FKTN: variants seen among roughly 807,000 people sequenced by gnomAD.
FKTN encodes the protein ribitol-5-phosphate transferase FKTN.
A neutral mutation model predicts 58.6 loss-of-function variants in FKTN; 47 were observed. The ratio of observed to expected loss-of-function variants is 0.80; its 90% CI spans 0.63 to 1.02. The LOEUF (loss-of-function observed/expected upper bound fraction) is 1.02, where lower values mean the gene tolerates loss of function less well. Ranked by LOEUF, FKTN falls within the 50% of genes least tolerant of loss-of-function variation. The probability of loss-of-function intolerance (pLI) is 0.00; values close to 1 mark genes in which losing one functional copy is unlikely to be tolerated. For missense variants in FKTN, 516 were observed against 537.3 expected, an observed-to-expected ratio of 0.96 and a Z score of 0.39; for synonymous variants, 178 against 191.9, an observed-to-expected ratio of 0.93 and a Z score of 0.60.
chr9:105,602,298 T>C (rs1564286269), intron 5 of FKTN, among the ~76,000 whole-genome samples: 2 of 152,220 alleles, frequency 1.3e-5, no homozygotes, highest in African/African-American at 4.8e-5. Context: ...TCTAATGTTC[T>C]TGGCCTAGGA....
At chr9:105,610,208 C>G (rs1294517299) in intron 7 of FKTN, among the ~76,000 whole-genome samples, 1 of 152,012 alleles carries the variant, frequency 6.6e-6, no homozygotes, top group Non-Finnish European at 1.5e-5. Flanking sequence ...CTGGGATCAG[C>G]CATTTCTTTA....
chr9:105,564,068 A>G (rs1239306232), intron 1 of FKTN, among the ~76,000 whole-genome samples: 1 of 152,242 alleles, frequency 6.6e-6, no homozygotes, highest in East Asian at 1.9e-4. Context: ...GCAAACTCCA[A>G]CAGACCTGCA....
intron 4 of FKTN, 142 bp downstream of exon 4, chr9:105,596,799 C>T (rs1588055060): frequency 1.4e-6 from 1 of 709,430 alleles, no homozygotes; most frequent in Admixed American, 2.0e-5. Context: ...AGGTAAGGGA[C>T]AGGCCCTTTA....
At chr9:105,614,382 C>G (rs1830446751) in intron 7 of FKTN, among the ~76,000 whole-genome samples, 1 of 151,980 alleles carries the variant, frequency 6.6e-6, no homozygotes, top group Non-Finnish European at 1.5e-5. Flanking sequence ...TTATTACATT[C>G]TTTCATTCAT....
At position 105,567,872 on chromosome 9, in the gene FKTN, C is replaced by T. The variant is rs556624636; in HGVS notation, c.-180-5783C>T. ...TAAAAGAACAAAGCTGGAGGCATCA[C>T]GCTACCTGACTTCAAACTATACTAC... On this transcript the variant is annotated intron_variant, in intron 1 of 10. Coordinates refer to ENST00000357998, the MANE Select transcript of FKTN (RefSeq NM_001079802.2). Among the ~76,000 whole-genome samples, 194 of 152,266 alleles carry T rather than the reference C, an allele frequency of 1.3e-3. 1 individual carries two copies. The South Asian group carries it at 0.015, about 12-fold the overall frequency.
rs145464554 is a variant in FKTN, at chr9:105,563,238, G to A, written c.-181+5073G>A. On this transcript the variant is annotated intron_variant, in intron 1 of 10. Transcript: ENST00000357998. ...TCCCAGCGTGAGCGACGCAGAAGAC[G>A]GGTGATTTCTGCATTTCTAACTGAG... is the stretch of plus-strand genomic sequence containing the variant. Among the ~76,000 whole-genome samples the A allele has an allele frequency of 6.6e-3, 1,000 of 152,294 alleles. 16 individuals are homozygous for A. The highest frequency in any genetic ancestry group is 0.023 in the African/African-American group (950 of 41,550).
intron 6 of FKTN, 74 bp from the exon 7 acceptor site, chr9:105,607,745 T>G: frequency 1.5e-6 from 2 of 1,319,752 alleles, no homozygotes; most frequent in Non-Finnish European, 2.2e-6. Context: ...CTGCACGCAT[T>G]AGGTATTTGT....
chr9:105,604,103 A>G, intron 5 of FKTN, 112 bp from the exon 6 acceptor site: 5 of 1,126,282 alleles, frequency 4.4e-6, no homozygotes, highest in Non-Finnish European at 6.7e-6. Context: ...TAGCACAAAA[A>G]TATGGCTCAA....
At chr9:105,569,188 AAATGATGAGTT>A (rs1403988859) in intron 1 of FKTN, among the ~76,000 whole-genome samples, 9 of 152,186 alleles carry the variant, frequency 5.9e-5, no homozygotes, top group African/African-American at 2.2e-4. Flanking sequence ...TACCTAATGT[AAATGATGAGTT>A]AATGGGTACA....
intron 1 of FKTN, among the ~76,000 whole-genome samples, chr9:105,570,082 AT>A (rs1386248017): frequency 6.6e-6 from 1 of 151,600 alleles, no homozygotes; most frequent in African/African-American, 2.4e-5. Flanking sequence ...TTAAACGTTT[AT>A]TTTTTGAAGG....
intron 1 of FKTN, among the ~76,000 whole-genome samples, chr9:105,568,079 G>A (rs1471338660): frequency 1.3e-5 from 2 of 152,118 alleles, no homozygotes; most frequent in African/African-American, 2.4e-5. Flanking sequence ...TGGGAAAACT[G>A]GCTAGCCATA....
Position 105,615,324 on chromosome 9 carries a change from G to A in FKTN, c.827G>A (p.Ser276Asn), listed in dbSNP as rs1830626404. The A allele has an allele frequency of 6.2e-7, 1 of 1,613,742 alleles. No homozygotes were observed. Among genetic ancestry groups the A allele is most frequent in the South Asian group, 1.1e-5 (1 of 91,090 alleles). Residue 276 changes from serine to asparagine, a missense_variant, in exon 8 of 11, where the codon AGT (serine) becomes AAT (asparagine). Transcript: ENST00000357998. ...GTGGAAGCTGTGGCCTTTCGGAAGA[G>A]TGCAAAGGAATTACTGCAACTAGCA... ...NTVEAVAFRK[S>N]AKELLQLAAK...
rs1338220455 is a variant in FKTN at position 105,596,593 on chromosome 9, C to T, written c.106-5C>T. On this transcript the variant is annotated splice_region_variant and splice_polypyrimidine_tract_variant and intron_variant, in intron 3 of 10. Coordinates refer to ENST00000357998, the MANE Select transcript of FKTN (RefSeq NM_001079802.2). ...TACTAAAAAGTTCTTTTGTTGTCTT[C>T]CTAGAATGGAGCTGGTTTGTCAAAA... 3 of 1,609,520 alleles carry T rather than the reference C, an allele frequency of 1.9e-6. No individual in the cohort carries two copies. Among genetic ancestry groups the T allele is most frequent in the East Asian group, 2.2e-5 (1 of 44,842 alleles).
At chr9:105,619,744 T>G (rs2133205472) in intron 9 of FKTN, among the ~76,000 whole-genome samples, 190 bp from the exon 10 acceptor site, 1 of 152,334 alleles carries the variant, frequency 6.6e-6, no homozygotes, top group African/African-American at 2.4e-5. Flanking sequence ...AGTTAAGAAA[T>G]TAAATGATAT....
chr9:105,617,220 T>C (rs187841770), intron 8 of FKTN, among the ~76,000 whole-genome samples: 1 of 152,352 alleles, frequency 6.6e-6, no homozygotes, highest in East Asian at 1.9e-4. Context: ...ATGAAATGAT[T>C]AGAAAGATCA....
At position 105,640,057 on chromosome 9, in the gene FKTN, A is replaced by G. The variant is rs768230981; in HGVS notation, c.*4793A>G. On this transcript the variant is annotated 3_prime_UTR_variant, in exon 11 of 11. Transcript: ENST00000357998. ...TAATAAAGGAGAATTGAAAATACTC[A>G]TTTCTACTTTCTGCCCTCAAATTTC... 1 of 1,534,064 alleles carries G rather than the reference A, an allele frequency of 6.5e-7. No individual in the cohort carries two copies. The highest frequency in any genetic ancestry group is 1.2e-5 in the South Asian group (1 of 84,018).
chr9:105,581,711 G>C (rs992470958), intron 3 of FKTN, among the ~76,000 whole-genome samples: 1 of 152,168 alleles, frequency 6.6e-6, no homozygotes, highest in Non-Finnish European at 1.5e-5. Context: ...CGAGCTTCCC[G>C]GCTGCTTTGT....
chr9:105,576,959 A>G (rs1841844261), intron 3 of FKTN, among the ~76,000 whole-genome samples: 1 of 105,996 alleles, frequency 9.4e-6, no homozygotes, highest in Non-Finnish European at 2.0e-5. Flanking sequence ...GGCTGCATAA[A>G]TGTCTTCTTT....
intron 10 of FKTN, among the ~76,000 whole-genome samples, chr9:105,630,459 G>A (rs1458754047): frequency 6.6e-6 from 1 of 152,144 alleles, no homozygotes; most frequent in Non-Finnish European, 1.5e-5. Flanking sequence ...CCCTACCAGA[G>A]TATACTAAAA....
Sources: gnomAD v4.1 joint callset for allele counts (sites outside exome capture counted in the v4.1 genomes callset) on GRCh38, gnomAD v4.1.1 for gene constraint, MANE v1.5 for transcripts, NCBI Gene and HGNC (gene_info 2026-07-23, HGNC 2026-07-21) for gene names.